Variants in CLIC2 observed in about 807,000 individuals in gnomAD.
The protein encoded by CLIC2 is chloride intracellular channel protein 2.
A neutral mutation model predicts 14.8 loss-of-function variants in CLIC2; 9 were observed. That is an observed-to-expected ratio of 0.61 (90% CI 0.37 to 1.06). CLIC2 has a LOEUF of 1.06. Ranked by LOEUF, CLIC2 falls within the 50% of genes least tolerant of loss-of-function variation. CLIC2 has a pLI of 0.01. For synonymous variants in CLIC2, 61 were observed against 66.3 expected (o/e 0.92, Z 0.39); for missense variants, 148 against 181.4 (o/e 0.82, Z 1.06).
chrX:155,311,010 C>T (rs782177306), intron 1 of CLIC2, among the ~76,000 whole-genome samples: 2 of 111,945 alleles, frequency 1.8e-5, no homozygotes, highest in Non-Finnish European at 3.8e-5. Flanking sequence ...GCCCAGCCCA[C>T]AGAATCATTT....
intron 1 of CLIC2, among the ~76,000 whole-genome samples, chrX:155,301,314 C>T (rs1386040401): frequency 1.8e-5 from 2 of 108,964 alleles, no homozygotes; most frequent in Admixed American, 9.9e-5. Context: ...AGTTGGATTC[C>T]TAGGTATTTC....
intron 3 of CLIC2, among the ~76,000 whole-genome samples, chrX:155,286,287 A>G (rs1602930067): frequency 8.9e-6 from 1 of 111,995 alleles, no homozygotes. Flanking sequence ...AGCTCCATCC[A>G]TGTTCCTGCA....
chrX:155,291,133 C>T, intron 3 of CLIC2: 1 of 1,016,326 alleles, frequency 9.8e-7, no homozygotes, highest in Non-Finnish European at 1.4e-6. Context: ...AATATCCATT[C>T]ATATCCCTGG....
intron 3 of CLIC2, chrX:155,290,801 A>AT (rs1455342544): frequency 4.8e-6 from 3 of 625,045 alleles, no homozygotes; most frequent in Non-Finnish European, 8.3e-6. Flanking sequence ...GCTGTTATTT[A>AT]TTTTTTCCAA....
chrX:155,319,323 AG>A (rs1211092702), intron 1 of CLIC2, among the ~76,000 whole-genome samples: 1 of 111,543 alleles, frequency 9.0e-6, no homozygotes, highest in Non-Finnish European at 1.9e-5. Context: ...TCAACACAGA[AG>A]GCAGGTGATT....
intron 1 of CLIC2, 68 bp from the exon 2 acceptor site, chrX:155,299,213 G>A (rs1023502014): frequency 5.4e-5 from 45 of 834,813 alleles, no homozygotes; most frequent in Non-Finnish European, 7.7e-5. Context: ...TTCCTAATAG[G>A]AAATGAGCCA....
At chrX:155,284,190 A>C (rs925184152) in intron 3 of CLIC2, among the ~76,000 whole-genome samples, 14 of 110,403 alleles carry the variant, frequency 1.3e-4, no homozygotes, top group Non-Finnish European at 2.6e-4. Context: ...AGAATACATA[A>C]AATGTTTTGA....
Position 155,280,088 on chromosome X carries a change from C to T in CLIC2, c.294-20G>A, listed in dbSNP as rs782620021. Reference sequence around the variant, plus strand: ...GGGTACCTTAAAAAGAAACATGCGTCAACTATCATTTGCACATAACATGAC... The same window carrying T: ...GGGTACCTTAAAAAGAAACATGCGTTAACTATCATTTGCACATAACATGAC... On this transcript the variant is annotated intron_variant, in intron 3 of 5. Transcript: ENST00000369449. 1 of 1,057,347 alleles carries T rather than the reference C, an allele frequency of 9.5e-7. No individual in the cohort carries two copies. The highest frequency in any genetic ancestry group is 1.3e-6 in the Non-Finnish European group (1 of 755,043). The allele number at this position is 1,057,347 out of a possible 1,213,427, so 87.1% of individuals were successfully genotyped here.
intron 1 of CLIC2, among the ~76,000 whole-genome samples, chrX:155,328,318 C>A (rs1205165401): frequency 9.0e-6 from 1 of 110,974 alleles, no homozygotes; most frequent in Non-Finnish European, 1.9e-5. Context: ...TTGCAGGTTA[C>A]AAAATCAACG....
intron 1 of CLIC2, among the ~76,000 whole-genome samples, chrX:155,318,467 A>C (rs75751979): frequency 1.9e-3 from 209 of 111,964 alleles, no homozygotes; most frequent in Middle Eastern, 4.6e-3. Flanking sequence ...AGTTGCAAAA[A>C]ATAAAATAAA....
chrX:155,281,864 T>C (rs1409418681), intron 3 of CLIC2, among the ~76,000 whole-genome samples: 10 of 111,486 alleles, frequency 9.0e-5, no homozygotes, highest in East Asian at 8.4e-4. Context: ...CAAGTGCTCA[T>C]AGTGGTCTAC....
Position 155,334,597 on chromosome X carries a change from G to A in CLIC2, c.-170C>T, listed in dbSNP as rs781852338. 2.2e-4 allele frequency: 100 copies of A among 463,546 alleles called. No homozygotes were observed. The highest frequency in any genetic ancestry group is 3.7e-4 in the Non-Finnish European group (95 of 260,107). The allele number at this position is 463,546 out of a possible 1,213,427, so 38.2% of individuals were successfully genotyped here. ...CTGGAGCCAGTCTCTTCTCTCAAGA[G>A]GTGTGACGCAGAAAATTCTAGATGC... is the stretch of plus-strand genomic sequence containing the variant. On this transcript the variant is annotated 5_prime_UTR_variant, in exon 1 of 6. Transcript: ENST00000369449.
intron 1 of CLIC2, among the ~76,000 whole-genome samples, chrX:155,315,926 C>T (rs943978518): frequency 8.0e-5 from 9 of 111,850 alleles, no homozygotes; most frequent in South Asian, 7.4e-4. Context: ...AAAAGATATT[C>T]CATGCAAATG....
At chrX:155,328,189 AG>A (rs1337350643) in intron 1 of CLIC2, among the ~76,000 whole-genome samples, 1 of 111,285 alleles carries the variant, frequency 9.0e-6, no homozygotes, top group African/African-American at 3.3e-5. Context: ...AGAAATAAAA[AG>A]GCTTCCAAAT....
intron 1 of CLIC2, among the ~76,000 whole-genome samples, chrX:155,329,906 C>T (rs1255269841): frequency 7.2e-5 from 8 of 111,014 alleles, no homozygotes; most frequent in East Asian, 2.8e-4. Context: ...TGGAACTGGA[C>T]GTCATATATT....
chrX:155,288,439 TAGTGGAATTTAG>T (rs1275408865), intron 3 of CLIC2, among the ~76,000 whole-genome samples: 1 of 111,870 alleles, frequency 8.9e-6, no homozygotes, highest in Non-Finnish European at 1.9e-5. Flanking sequence ...TAATGTAGTG[TAGTGGAATTTAG>T]AGTATAATTG....
At chrX:155,328,373 GA>G (rs782002035) in intron 1 of CLIC2, among the ~76,000 whole-genome samples, 1 of 109,613 alleles carries the variant, frequency 9.1e-6, no homozygotes, top group Admixed American at 9.8e-5. Flanking sequence ...TGAACAATGT[GA>G]AAAAAAATCA....
intron 3 of CLIC2, among the ~76,000 whole-genome samples, chrX:155,296,744 A>G (rs2074993475): frequency 8.9e-6 from 1 of 111,979 alleles, no homozygotes; most frequent in Non-Finnish European, 1.9e-5. Context: ...AATGCAAACC[A>G]AAACCAAAAT....
At chrX:155,299,888 C>T (rs2075009376) in intron 1 of CLIC2, among the ~76,000 whole-genome samples, 3 of 108,823 alleles carry the variant, frequency 2.8e-5, no homozygotes, top group Admixed American at 9.8e-5. Flanking sequence ...CATCCATGTC[C>T]CTACAAAGGA....
Sources: allele counts gnomAD v4.1 joint callset (sites outside exome capture counted in the v4.1 genomes callset), GRCh38; gene constraint gnomAD v4.1.1; transcripts MANE v1.5; gene names NCBI Gene and HGNC (gene_info 2026-07-23, HGNC 2026-07-21).